Variants in ADSS2 observed in about 807,000 individuals in gnomAD.
ADSS2 encodes the protein adenylosuccinate synthase 2.
In ADSS2, 30 loss-of-function variants were observed where a neutral mutation model predicts 60.0. That is an observed-to-expected ratio of 0.50 (90% confidence interval 0.37 to 0.68). ADSS2 has a LOEUF of 0.68. Among genes scored for constraint, ADSS2 ranks in the 30% least tolerant of loss-of-function variants. The probability of loss-of-function intolerance (pLI) is 0.00; values close to 1 mark genes in which losing one functional copy is unlikely to be tolerated. For missense variants in ADSS2, 373 were observed against 554.8 expected, an observed-to-expected ratio of 0.67 and a Z score of 3.29; for synonymous variants, 187 against 193.1, an observed-to-expected ratio of 0.97 and a Z score of 0.26.
chr1:244,443,529 T>C (rs955642213), intron 1 of ADSS2, among the ~76,000 whole-genome samples: 1 of 152,242 alleles, frequency 6.6e-6, no homozygotes, highest in Non-Finnish European at 1.5e-5. Flanking sequence ...GATAATTTTT[T>C]GAACTTTGTT....
chr1:244,433,859 TAAAAAAAAAAAAA>T lies in ADSS2; in HGVS notation c.356-1277_356-1265del, dbSNP rs35132231. The stretch of plus-strand genomic sequence containing the variant: ...TGGCAACAGAGCAAGACTCCATCTT[TAAAAAAAAAAAAA>T]AAAAAAAAAAAGGTAAAGAAAATAA... On this transcript the variant is annotated intron_variant, in intron 3 of 12. Transcript: ENST00000366535. 4.2e-5 allele frequency among the ~76,000 whole-genome samples: 4 copies of T among 94,964 alleles called. 1 individual carries two copies. The highest frequency in any genetic ancestry group is 4.1e-5 in the African/African-American group (1 of 24,626). 62.3% of individuals were successfully genotyped at this position (94,964 alleles called of 152,430 possible). A position where few individuals can be genotyped will look rare whatever the true frequency, so the allele number is the denominator to read the frequency against.
rs12047803 is a variant in ADSS2, at chr1:244,446,051, T to A, written c.183+5584A>T. 5.8e-3 allele frequency among the ~76,000 whole-genome samples: 883 copies of A among 152,278 alleles called. 54 individuals carry two copies. The East Asian group carries it at 0.14, about 24-fold the overall frequency. On this transcript the variant is annotated intron_variant, in intron 1 of 12. Coordinates refer to ENST00000366535, the MANE Select transcript of ADSS2 (RefSeq NM_001126.5). ...TGGATTACAGGAGAGAGCAGCAGTG[T>A]CTCAGATCCCATGCCCCTGAACTAT...
intron 10 of ADSS2, among the ~76,000 whole-genome samples, chr1:244,416,654 G>T (rs1462039603): frequency 6.6e-6 from 1 of 152,176 alleles, no homozygotes; most frequent in East Asian, 1.9e-4. Context: ...CAAACAACAT[G>T]TATTTGTGGG....
At chr1:244,409,893 G>A (rs555234374) in intron 12 of ADSS2, among the ~76,000 whole-genome samples, 1 of 152,108 alleles carries the variant, frequency 6.6e-6, no homozygotes, top group Non-Finnish European at 1.5e-5. Context: ...TAATGACTTA[G>A]GATAGTAAAA....
intron 1 of ADSS2, among the ~76,000 whole-genome samples, chr1:244,445,001 AG>A (rs1665350391): frequency 6.6e-6 from 1 of 152,182 alleles, no homozygotes; most frequent in Non-Finnish European, 1.5e-5. Flanking sequence ...TGATCCAGGC[AG>A]GGAAACATGT....
Position 244,451,750 on chromosome 1 carries a change from G to C in ADSS2, c.68C>G (p.Ala23Gly). The change falls in exon 1 of 13, where the codon GCG becomes GGG. Residue 23 changes from alanine to glycine, a missense_variant. By Grantham distance (60) the Ala-to-Gly change is moderately conservative. Coordinates refer to ENST00000366535, the MANE Select transcript of ADSS2 (RefSeq NM_001126.5). The surrounding 1 kb of genome is among the most constrained non-coding windows in gnomAD (Gnocchi z 6.6). ...CGTCACCCGGTTTCCTCCGGGCCGCGCCCTGGGGCGGCCGCAATCGCCGTT... is the reference window on the plus strand; with the variant it reads ...CGTCACCCGGTTTCCTCCGGGCCGCCCCCTGGGGCGGCCGCAATCGCCGTT... Reference protein sequence around the residue: ...LPNGDCGRPRARPGGNRVTVV... With the variant: ...LPNGDCGRPRGRPGGNRVTVV... 1 of 1,602,460 alleles carries C rather than the reference G, an allele frequency of 6.2e-7. No homozygotes were observed. The highest frequency in any genetic ancestry group is 8.5e-7 in the Non-Finnish European group (1 of 1,175,032).
chr1:244,422,506 T>C (rs1054111441), intron 7 of ADSS2, among the ~76,000 whole-genome samples: 2 of 152,238 alleles, frequency 1.3e-5, no homozygotes, highest in African/African-American at 4.8e-5. Context: ...TTGTTAGAAG[T>C]GATTTTTATA....
At chr1:244,447,452 A>G (rs1439910177) in intron 1 of ADSS2, among the ~76,000 whole-genome samples, 2 of 152,182 alleles carry the variant, frequency 1.3e-5, no homozygotes, top group Non-Finnish European at 2.9e-5. Flanking sequence ...CTCATGCCTC[A>G]AAAGTAGAGC....
At chr1:244,451,980 G>A (rs1392713572), upstream of ADSS2, 5 of 667,068 alleles carry the variant, frequency 7.5e-6, no homozygotes, top group East Asian at 6.6e-5. The surrounding 1 kb of genome is among the most constrained non-coding windows in gnomAD (Gnocchi z 6.6). Flanking sequence ...TCCCCGCCCC[G>A]CTCTCCGCCA....
intron 1 of ADSS2, among the ~76,000 whole-genome samples, 162 bp from the exon 2 acceptor site, chr1:244,437,930 C>T (rs1323908088): frequency 6.6e-6 from 1 of 152,134 alleles, no homozygotes; most frequent in African/African-American, 2.4e-5. Context: ...AATAGTTTGG[C>T]TGTCTCCTTT....
At chr1:244,427,534 G>T (rs1664835701) in intron 4 of ADSS2, among the ~76,000 whole-genome samples, 2 of 152,030 alleles carry the variant, frequency 1.3e-5, no homozygotes, top group Non-Finnish European at 2.9e-5. Flanking sequence ...TTGTCACAAT[G>T]AATAAAATGC....
chr1:244,440,175 T>C (rs937093554), intron 1 of ADSS2, among the ~76,000 whole-genome samples: 14 of 152,222 alleles, frequency 9.2e-5, no homozygotes, highest in Admixed American at 5.9e-4. Flanking sequence ...AGTTATTAAA[T>C]CTGGTGTTCC....
intron 9 of ADSS2, among the ~76,000 whole-genome samples, chr1:244,418,366 G>A (rs919018550): frequency 2.6e-5 from 4 of 152,066 alleles, no homozygotes; most frequent in South Asian, 2.1e-4. Context: ...CTGTTGCGCC[G>A]GCTGGAGTGC....
intron 1 of ADSS2, among the ~76,000 whole-genome samples, chr1:244,450,143 G>C (rs1001184719): frequency 2.4e-4 from 36 of 152,312 alleles, no homozygotes; most frequent in African/African-American, 8.7e-4. Flanking sequence ...TCGGTATTCG[G>C]ATACGTCTTC....
At position 244,437,782 on chromosome 1, in the gene ADSS2, T is replaced by G. The variant is rs769317058; in HGVS notation, c.184-14A>C. ...ATTATTTCCTCCCTAAAATGTAAGA[T>G]AGGGGAAAATTGAGCCTGATGATAA... On this transcript the variant is annotated splice_polypyrimidine_tract_variant and intron_variant, in intron 1 of 12. Transcript: ENST00000366535. 1.9e-6 allele frequency: 3 copies of G among 1,545,904 alleles called. No homozygotes were observed. Among genetic ancestry groups the G allele is most frequent in the Non-Finnish European group, 2.7e-6 (3 of 1,118,650 alleles).
At position 244,420,296 on chromosome 1, in the gene ADSS2, C is replaced by CCTATA; in HGVS notation, c.664-5_664-1dup (p.Gly222TyrfsTer12). ...ATTGGTTTAATCTTTTCCATATAAC[C>CCTATA]CTATACACAAAGACAAAAACCAATT... On this transcript the variant is annotated frameshift_variant and splice_region_variant. Transcript: ENST00000366535. LOFTEE classifies it high-confidence loss of function. The CCTATA allele has an allele frequency of 6.2e-7, 1 of 1,601,894 alleles. No individual in the cohort carries two copies. Among genetic ancestry groups the CCTATA allele is most frequent in the Non-Finnish European group, 8.5e-7 (1 of 1,173,590 alleles).
chr1:244,432,675 T>C, intron 3 of ADSS2, 80 bp from the exon 4 acceptor site: 1 of 1,053,280 alleles, frequency 9.5e-7, no homozygotes. Context: ...TTTTTTTTTT[T>C]TTTTTTGAGA....
intron 4 of ADSS2, among the ~76,000 whole-genome samples, chr1:244,429,534 G>C (rs1159423933): frequency 6.6e-6 from 1 of 152,174 alleles, no homozygotes; most frequent in African/African-American, 2.4e-5. Context: ...TTTCCAATTA[G>C]TTATTTGATT....
rs1051296307 is a variant in ADSS2 at position 244,411,369 on chromosome 1, T to C, written c.1236A>G (p.Ile412Met). 6.2e-7 allele frequency: 1 copy of C among 1,613,964 alleles called. No individual in the cohort carries two copies. Among genetic ancestry groups the C allele is most frequent in the Non-Finnish European group, 8.5e-7 (1 of 1,179,878 alleles). The change falls in exon 12 of 13, where the codon ATA becomes ATG. Residue 412 changes from isoleucine to methionine, a missense_variant. This residue lies in a region of ADSS2 where 130 missense variants were observed against 169.4 expected (regional missense o/e 0.77). Transcript: ENST00000366535. Reference protein sequence around the residue: ...YKTLPGWNTDISNARAFKELP... With the variant: ...YKTLPGWNTDMSNARAFKELP... ...GTTCTTTAAACGCCCTTGCATTTGATATGTCTGTGTTCCATCCTGGGAGAG... is the reference window on the plus strand; with the variant it reads ...GTTCTTTAAACGCCCTTGCATTTGACATGTCTGTGTTCCATCCTGGGAGAG...
Sources: gnomAD v4.1 joint callset for allele counts (sites outside exome capture counted in the v4.1 genomes callset) on GRCh38, gnomAD v4.1.1 for gene constraint, gnomAD v4.1.1 regional missense constraint, Gnocchi (gnomAD v3.1) non-coding constraint, MANE v1.5 for transcripts, NCBI Gene and HGNC (gene_info 2026-07-23, HGNC 2026-07-21) for gene names.